Variants in FNBP1 observed in about 807,000 individuals in gnomAD.
FNBP1 encodes the protein formin binding protein 1, also known as formin-binding protein 1.
Under a neutral mutation model 90.6 loss-of-function variants are expected in FNBP1, and 26 were observed. That is an observed-to-expected ratio of 0.29 (90% CI 0.21 to 0.40). FNBP1 has a LOEUF of 0.40. FNBP1 is among the 10% of genes least tolerant of loss of function. The pLI is 1.00. For synonymous variants in FNBP1, 260 were observed against 265.2 expected (o/e 0.98, Z 0.19); for missense variants, 635 against 768.0 (o/e 0.83, Z 2.05).
At chr9:130,039,472 C>T (rs1177901920) in intron 1 of FNBP1, among the ~76,000 whole-genome samples, 4 of 151,958 alleles carry the variant, frequency 2.6e-5, no homozygotes, top group South Asian at 2.1e-4. Context: ...GTCAGGAGTT[C>T]GAGACCAGCC....
intron 4 of FNBP1, among the ~76,000 whole-genome samples, chr9:129,961,592 G>A (rs2047824803): frequency 6.6e-6 from 1 of 152,032 alleles, no homozygotes; most frequent in African/African-American, 2.4e-5. Flanking sequence ...TTTTGAGACG[G>A]AGTCTTGTTC....
At position 129,900,304 on chromosome 9, in the gene FNBP1, T is replaced by A; in HGVS notation, c.1550+122A>T. On this transcript the variant is annotated intron_variant, in intron 14 of 16. Transcript: ENST00000446176. The surrounding 1 kb of genome is among the most constrained non-coding windows in gnomAD (Gnocchi z 4.1). Reference sequence around the variant, plus strand: ...CATCATGGAAAAAGTGACAGGTCAATCGCAACAGACATTTTGGCATTGAAC... The same window carrying A: ...CATCATGGAAAAAGTGACAGGTCAAACGCAACAGACATTTTGGCATTGAAC... The A allele has an allele frequency of 7.6e-6, 9 of 1,188,392 alleles. No individual in the cohort carries two copies. The highest frequency in any genetic ancestry group is 1.0e-5 in the Non-Finnish European group (9 of 878,704). The allele number at this position is 1,188,392 out of a possible 1,614,324, so 73.6% of individuals were successfully genotyped here.
chr9:130,032,361 G>A (rs2058880624), intron 1 of FNBP1, among the ~76,000 whole-genome samples: 3 of 151,896 alleles, frequency 2.0e-5, no homozygotes, highest in Admixed American at 2.0e-4. Context: ...AGTAGAGATG[G>A]GATCTCAGTA....
intron 13 of FNBP1, among the ~76,000 whole-genome samples, chr9:129,902,281 A>C (rs1271023565): frequency 6.6e-6 from 1 of 152,094 alleles, no homozygotes; most frequent in African/African-American, 2.4e-5. Context: ...GATGAAGCAG[A>C]ATAACTTAAA....
rs571834305 is a variant in FNBP1, at chr9:129,904,325, C to T, written c.1296-1324G>A. Reference sequence around the variant, plus strand: ...TGTCTGGAAGCAGCCCATGGTAGCCCGGGCAGGCATCCCTAGAGAAGTTTG... The same window carrying T: ...TGTCTGGAAGCAGCCCATGGTAGCCTGGGCAGGCATCCCTAGAGAAGTTTG... On this transcript the variant is annotated intron_variant, in intron 12 of 16. Coordinates refer to ENST00000446176, the MANE Select transcript of FNBP1 (RefSeq NM_015033.3). Among the ~76,000 whole-genome samples, 8 of 152,292 alleles carry T rather than the reference C, an allele frequency of 5.3e-5. No individual in the cohort carries two copies. In the South Asian group the frequency reaches 6.2e-4, roughly 12 times the overall value.
Position 129,951,774 on chromosome 9 carries a change from T to G in FNBP1, c.513+5586A>C, listed in dbSNP as rs10988553. Among the ~76,000 whole-genome samples, 8 of 152,126 alleles carry G rather than the reference T, an allele frequency of 5.3e-5. No homozygotes were observed. The South Asian group carries it at 1.7e-3, about 32-fold the overall frequency. On this transcript the variant is annotated intron_variant, in intron 6 of 16. Coordinates refer to ENST00000446176, the MANE Select transcript of FNBP1 (RefSeq NM_015033.3). ...ATGACTTCTTATATGGGGGAATTAT[T>G]TTAGTATAACCCAGAAGTCTTGCTG...
chr9:129,930,373 T>G (rs1778412179), intron 6 of FNBP1, among the ~76,000 whole-genome samples: 1 of 152,186 alleles, frequency 6.6e-6, no homozygotes, highest in Admixed American at 6.5e-5. Context: ...GGGAAATCCA[T>G]GAATTTTTAA....
intron 4 of FNBP1, among the ~76,000 whole-genome samples, chr9:129,975,975 C>A (rs1299689488): frequency 6.7e-6 from 1 of 148,740 alleles, no homozygotes; most frequent in African/African-American, 2.5e-5. Context: ...AAAATATAAA[C>A]CTTTGCAAGG....
At chr9:130,000,268 G>C (rs2054624297) in intron 1 of FNBP1, among the ~76,000 whole-genome samples, 2 of 152,096 alleles carry the variant, frequency 1.3e-5, no homozygotes, top group Non-Finnish European at 2.9e-5. Context: ...AAGCAGGCGG[G>C]TCGTCTGAGG....
At chr9:129,936,934 C>T (rs912500252) in intron 6 of FNBP1, among the ~76,000 whole-genome samples, 1 of 152,182 alleles carries the variant, frequency 6.6e-6, no homozygotes, top group Non-Finnish European at 1.5e-5. Flanking sequence ...CTTTGGGAGG[C>T]TGAGGCAGGT....
At chr9:129,927,501 T>C (rs1364339561) in intron 7 of FNBP1, among the ~76,000 whole-genome samples, 160 bp from the exon 8 acceptor site, 2 of 152,210 alleles carry the variant, frequency 1.3e-5, no homozygotes, top group African/African-American at 4.8e-5. Flanking sequence ...TACCCAGCTG[T>C]ACATTTATTT....
intron 1 of FNBP1, among the ~76,000 whole-genome samples, chr9:130,028,669 G>T (rs2058557314): frequency 6.6e-6 from 1 of 152,142 alleles, no homozygotes. Flanking sequence ...TTCTCAGTGA[G>T]GTAAACACTT....
intron 7 of FNBP1, among the ~76,000 whole-genome samples, chr9:129,929,077 AAC>A (rs1564357110): frequency 6.6e-6 from 1 of 150,534 alleles, no homozygotes; most frequent in Non-Finnish European, 1.5e-5. Context: ...CAGCCTGGGC[AAC>A]AGAGTGAGAC....
chr9:130,006,641 G>A (rs1026759496), intron 1 of FNBP1, among the ~76,000 whole-genome samples: 3 of 152,166 alleles, frequency 2.0e-5, no homozygotes, highest in Non-Finnish European at 4.4e-5. Context: ...CTGCACTCCA[G>A]CCTGGGCGAC....
intron 1 of FNBP1, among the ~76,000 whole-genome samples, chr9:130,034,836 A>G (rs2059164026): frequency 6.6e-6 from 1 of 152,166 alleles, no homozygotes; most frequent in African/African-American, 2.4e-5. Context: ...GATAAAGGGA[A>G]CTGTGCACTA....
chr9:129,932,056 C>G (rs112075499), intron 6 of FNBP1, among the ~76,000 whole-genome samples: 2 of 150,880 alleles, frequency 1.3e-5, no homozygotes, highest in Admixed American at 1.3e-4. Flanking sequence ...ACTAAAAATA[C>G]AAAAATTAGA....
rs765621679 is a variant in FNBP1, at chr9:129,978,606, C to A, written c.204G>T (p.Thr68=). The change falls in exon 4 of 17, where the codon ACG becomes ACT. Residue 68 remains threonine, a synonymous_variant. Transcript: ENST00000446176. ...NSKEEEEYKY[T]SCKAFISNLN... ...GGTTGGAAATGAAAGCTTTACATGA[C>A]GTATACCTATGGAACAGAACACACG... 1 of 1,613,672 alleles carries A rather than the reference C, an allele frequency of 6.2e-7. No homozygotes were observed. Among genetic ancestry groups the A allele is most frequent in the South Asian group, 1.1e-5 (1 of 91,066 alleles).
chr9:130,035,644 G>A (rs2059241419), intron 1 of FNBP1, among the ~76,000 whole-genome samples: 1 of 152,130 alleles, frequency 6.6e-6, no homozygotes, highest in Non-Finnish European at 1.5e-5. Context: ...ACAATCATTC[G>A]AGACTTTAAG....
At chr9:130,003,649 C>G (rs1248798552) in intron 1 of FNBP1, among the ~76,000 whole-genome samples, 2 of 150,232 alleles carry the variant, frequency 1.3e-5, no homozygotes, top group African/African-American at 4.9e-5. Context: ...CTTGGCCAGG[C>G]ACGGTGGCTC....
Sources: allele counts gnomAD v4.1 joint callset (sites outside exome capture counted in the v4.1 genomes callset), GRCh38; gene constraint gnomAD v4.1.1; non-coding constraint Gnocchi (gnomAD v3.1); transcripts MANE v1.5; gene names NCBI Gene and HGNC (gene_info 2026-07-23, HGNC 2026-07-21).